Variants in MTFR1 observed in about 807,000 individuals in gnomAD.
MTFR1 encodes the protein chondrocyte protein with a poly-proline region.
A neutral mutation model predicts 38.8 loss-of-function variants in MTFR1; 28 were observed. The ratio of observed to expected loss-of-function variants is 0.72; its 90% CI spans 0.53 to 0.99. The LOEUF is 0.99. Ranked by LOEUF, MTFR1 falls within the 50% of genes least tolerant of loss-of-function variation. The pLI, the probability that MTFR1 is intolerant of heterozygous loss-of-function variation, is 0.00. For synonymous variants in MTFR1, 145 were observed against 137.0 expected (o/e 1.06, Z -0.41); for missense variants, 358 against 395.5 (o/e 0.91, Z 0.81).
intron 3 of MTFR1, among the ~76,000 whole-genome samples, chr8:65,684,255 G>A (rs1804999049): frequency 6.6e-6 from 1 of 152,054 alleles, no homozygotes; most frequent in South Asian, 2.1e-4. Context: ...AATTTTAACT[G>A]CATTTGAAAA....
intron 3 of MTFR1, among the ~76,000 whole-genome samples, chr8:65,726,396 G>A (rs1165600308): frequency 1.3e-5 from 2 of 151,936 alleles, no homozygotes; most frequent in Admixed American, 6.6e-5. Flanking sequence ...CTAGAAGTGT[G>A]ACTCCAGGAT....
intron 3 of MTFR1, among the ~76,000 whole-genome samples, chr8:65,751,153 G>A (rs1404031535): frequency 6.6e-6 from 1 of 152,186 alleles, no homozygotes; most frequent in Non-Finnish European, 1.5e-5. Flanking sequence ...CATACAGGAA[G>A]CCTACACGTA....
intron 2 of MTFR1, among the ~76,000 whole-genome samples, chr8:65,677,440 T>C (rs368568477): frequency 6.9e-6 from 1 of 145,654 alleles, no homozygotes; most frequent in Non-Finnish European, 1.5e-5. Flanking sequence ...AGGAGTGCAG[T>C]GGCACGATGT....
At chr8:65,691,535 C>T (rs771714721) in intron 3 of MTFR1, among the ~76,000 whole-genome samples, 39 of 152,302 alleles carry the variant, frequency 2.6e-4, no homozygotes, top group Non-Finnish European at 3.8e-4. Context: ...TCAAGCCATC[C>T]GCCATCTTGT....
intron 2 of MTFR1, among the ~76,000 whole-genome samples, chr8:65,715,996 C>CAAAAAAAA (rs779701295): frequency 3.0e-5 from 1 of 33,860 alleles, no homozygotes; most frequent in Non-Finnish European, 4.7e-5. Flanking sequence ...GGCTCTGTCT[C>CAAAAAAAA]AAAAAAAAAA....
chr8:65,686,579 C>CAAA (rs757100773), intron 3 of MTFR1, among the ~76,000 whole-genome samples: 5 of 62,364 alleles, frequency 8.0e-5, no homozygotes, highest in African/African-American at 2.6e-4. Flanking sequence ...GACTCCGTCT[C>CAAA]AAAAAAAAAA....
chr8:65,695,471 C>T (rs1161976291), intron 4 of MTFR1, among the ~76,000 whole-genome samples: 1 of 152,134 alleles, frequency 6.6e-6, no homozygotes, highest in African/African-American at 2.4e-5. Flanking sequence ...ATTCTCCTGC[C>T]TCAGCCTTCC....
chr8:65,753,116 T>C (rs1487063516), intron 3 of MTFR1, among the ~76,000 whole-genome samples: 1 of 152,218 alleles, frequency 6.6e-6, no homozygotes, highest in Non-Finnish European at 1.5e-5. Flanking sequence ...TCATCAGTTC[T>C]ATGGCAGCAC....
chr8:65,694,321 C>T (rs55770551), intron 4 of MTFR1, among the ~76,000 whole-genome samples: 493 of 152,050 alleles, frequency 3.2e-3, no homozygotes, highest in Middle Eastern at 0.014. Flanking sequence ...ATGATCCACC[C>T]GCCTTGCCCT....
chr8:65,715,724 G>A (rs1202295990), intron 2 of MTFR1, among the ~76,000 whole-genome samples: 5 of 145,422 alleles, frequency 3.4e-5, no homozygotes, highest in Non-Finnish European at 6.1e-5. Context: ...GGTGGCTCAC[G>A]CCTGTAATCC....
In MTFR1 at chr8:65,709,249, CAT is replaced by C. The variant is rs1280884650; in HGVS notation, c.*206_*207del. On this transcript the variant is annotated 3_prime_UTR_variant, in exon 8 of 8. Transcript: ENST00000262146. Reference sequence around the variant, plus strand: ...TGGTCAGCTTTGGTGCTCTCCACAACATGTGTGTTCTGACATGTTTCTAATAT... The same window carrying C: ...TGGTCAGCTTTGGTGCTCTCCACAACGTGTGTTCTGACATGTTTCTAATAT... 1 of 537,740 alleles carries C rather than the reference CAT, an allele frequency of 1.9e-6. No homozygotes were observed. The allele number at this position is 537,740 out of a possible 1,614,324, so 33.3% of individuals were successfully genotyped here. A position where few individuals can be genotyped will look rare whatever the true frequency, so the allele number is the denominator to read the frequency against.
intron 3 of MTFR1, among the ~76,000 whole-genome samples, chr8:65,690,344 G>A (rs1805234470): frequency 6.6e-6 from 1 of 152,008 alleles, no homozygotes; most frequent in Admixed American, 6.6e-5. Flanking sequence ...AGACCAGCCT[G>A]GGCAACATGG....
intron 1 of MTFR1, among the ~76,000 whole-genome samples, chr8:65,668,599 C>T (rs1240959520): frequency 1.3e-5 from 2 of 150,586 alleles, no homozygotes; most frequent in Admixed American, 6.6e-5. Flanking sequence ...TTGCATCCTC[C>T]GCCTACTGGC....
intron 3 of MTFR1, among the ~76,000 whole-genome samples, chr8:65,757,395 GAATATACAT>G (rs1808282143): frequency 6.6e-6 from 1 of 152,100 alleles, no homozygotes; most frequent in Non-Finnish European, 1.5e-5. Context: ...TAAATCAAAA[GAATATACAT>G]AATTATTAAT....
chr8:65,692,642 C>CTT (rs1258719290), intron 3 of MTFR1, among the ~76,000 whole-genome samples: 2 of 145,054 alleles, frequency 1.4e-5, no homozygotes, highest in African/African-American at 2.5e-5. Flanking sequence ...ACCTGGCTGT[C>CTT]TTTTTTTTTT....
chr8:65,716,830 G>A (rs1020494566), intron 2 of MTFR1, among the ~76,000 whole-genome samples: 2 of 152,078 alleles, frequency 1.3e-5, no homozygotes, highest in African/African-American at 4.8e-5. Context: ...ATTAAATATA[G>A]GCCAAGGTAT....
At position 65,707,112 on chromosome 8, in the gene MTFR1, C is replaced by T. The variant is rs1393113686; in HGVS notation, c.620C>T (p.Ala207Val). The change falls in exon 6 of 8, where the codon GCT (alanine) becomes GTT (valine). Residue 207 changes from alanine (A) to valine (V), a missense_variant. Physicochemically the swap from Ala to Val is moderately conservative, Grantham distance 64. Coordinates refer to ENST00000262146, the MANE Select transcript of MTFR1 (RefSeq NM_014637.4). ...PALGLHQSTS[A>V]VDLIKERREK... ...CTGGGGCTCCACCAAAGTACATCTG[C>T]TGTTGATCTGATTAAAGAACGAAGA... 6.3e-7 allele frequency: 1 copy of T among 1,598,662 alleles called. No homozygotes were observed. The highest frequency in any genetic ancestry group is 8.5e-7 in the Non-Finnish European group (1 of 1,171,944).
At chr8:65,665,046 TG>T (rs1804341204) in intron 1 of MTFR1, among the ~76,000 whole-genome samples, 1 of 151,328 alleles carries the variant, frequency 6.6e-6, no homozygotes, top group Non-Finnish European at 1.5e-5. Context: ...GCCATTCTCC[TG>T]CCTCAGCCTC....
chr8:65,652,286 T>A (rs1285765289), intron 1 of MTFR1, among the ~76,000 whole-genome samples: 3 of 152,144 alleles, frequency 2.0e-5, no homozygotes, highest in African/African-American at 7.2e-5. Context: ...TTGTATTTTT[T>A]AGTACAAAAA....
Sources: allele counts gnomAD v4.1 joint callset (sites outside exome capture counted in the v4.1 genomes callset), GRCh38; gene constraint gnomAD v4.1.1; transcripts MANE v1.5; gene names NCBI Gene and HGNC (gene_info 2026-07-23, HGNC 2026-07-21).